CSMD3: variants seen among roughly 807,000 people sequenced by gnomAD.
The protein encoded by CSMD3 is CUB and sushi domain-containing protein 3.
In CSMD3, 177 loss-of-function variants were observed where a neutral mutation model predicts 435.2. The observed-to-expected ratio is 0.41, with a 90% CI of 0.36 to 0.46. CSMD3 has a LOEUF of 0.46. Ranked by LOEUF, CSMD3 falls within the 20% of genes least tolerant of loss-of-function variation. The pLI is 0.34. For synonymous variants in CSMD3, 1,656 were observed against 1,520.5 expected (o/e 1.09, Z -2.07); for missense variants, 4,265 against 4,504.6 (o/e 0.95, Z 1.52).
chr8:113,218,065 G>A (rs1236182189), intron 3 of CSMD3, among the ~76,000 whole-genome samples: 1 of 150,402 alleles, frequency 6.6e-6, no homozygotes, highest in Non-Finnish European at 1.5e-5. Flanking sequence ...GAGTTCACAG[G>A]ATGCCTTCCT....
chr8:112,338,921 G>A (rs764333290), intron 42 of CSMD3, among the ~76,000 whole-genome samples: 1 of 152,006 alleles, frequency 6.6e-6, no homozygotes, highest in Non-Finnish European at 1.5e-5. Flanking sequence ...AATAAGTATA[G>A]AAAATAGATT....
chr8:113,434,541 A>T (rs1033939843), intron 1 of CSMD3, among the ~76,000 whole-genome samples: 21 of 152,308 alleles, frequency 1.4e-4, no homozygotes, highest in African/African-American at 4.6e-4. Flanking sequence ...GAATTTGGGG[A>T]CAGTATTCCA....
intron 6 of CSMD3, among the ~76,000 whole-genome samples, chr8:113,009,203 G>A (rs1009052261): frequency 5.9e-5 from 9 of 151,618 alleles, no homozygotes; most frequent in Non-Finnish European, 1.0e-4. Flanking sequence ...AGCTCTCCAC[G>A]GGAATGATAA....
chr8:113,041,215 A>G (rs1159585675), intron 5 of CSMD3, among the ~76,000 whole-genome samples: 1 of 49,152 alleles, frequency 2.0e-5, no homozygotes, highest in South Asian at 7.7e-4. Context: ...TAAAAAAAAA[A>G]AAGGGGGGGG....
intron 3 of CSMD3, among the ~76,000 whole-genome samples, chr8:113,186,795 A>G (rs1317886968): frequency 6.6e-6 from 1 of 152,000 alleles, no homozygotes; most frequent in African/African-American, 2.4e-5. Flanking sequence ...AAGGCAGGAA[A>G]TGCCCCTCAG....
intron 32 of CSMD3, among the ~76,000 whole-genome samples, chr8:112,458,206 C>A (rs1007343587): frequency 5.5e-5 from 8 of 145,526 alleles, no homozygotes; most frequent in African/African-American, 2.0e-4. Flanking sequence ...CACACACACA[C>A]ACTCACACCC....
At chr8:112,579,705 C>A (rs1830204458) in intron 23 of CSMD3, among the ~76,000 whole-genome samples, 1 of 151,924 alleles carries the variant, frequency 6.6e-6, no homozygotes, top group Admixed American at 6.6e-5. Context: ...AAGACTCACA[C>A]ATAGATAGGA....
At chr8:112,229,775 A>G (rs895354439) in intron 69 of CSMD3, among the ~76,000 whole-genome samples, 1 of 152,158 alleles carries the variant, frequency 6.6e-6, no homozygotes, top group Non-Finnish European at 1.5e-5. Flanking sequence ...GTGTTTAGAA[A>G]TAAAAGACCC....
chr8:112,290,911 T>C (rs948851489), intron 56 of CSMD3, among the ~76,000 whole-genome samples: 1 of 152,048 alleles, frequency 6.6e-6, no homozygotes, highest in African/African-American at 2.4e-5. Context: ...ATTATTTTTC[T>C]CACTACGTGT....
At chr8:113,128,426 TG>T (rs982433339) in intron 4 of CSMD3, among the ~76,000 whole-genome samples, 2 of 151,960 alleles carry the variant, frequency 1.3e-5, no homozygotes, top group African/African-American at 4.8e-5. Context: ...TATACCAGAT[TG>T]TATACTGAAA....
chr8:113,148,443 G>A (rs1411470401), intron 4 of CSMD3, among the ~76,000 whole-genome samples: 1 of 151,686 alleles, frequency 6.6e-6, no homozygotes, highest in Admixed American at 6.6e-5. Flanking sequence ...TATGATAAAT[G>A]TAACTGTATC....
chr8:113,322,849 G>A (rs970127202), intron 1 of CSMD3, among the ~76,000 whole-genome samples: 4 of 152,054 alleles, frequency 2.6e-5, no homozygotes, highest in Admixed American at 1.3e-4. Flanking sequence ...GGGTTCAAGC[G>A]ATTGTCGTGT....
At chr8:112,277,087 AC>A (rs1185997453) in intron 59 of CSMD3, among the ~76,000 whole-genome samples, 4 of 152,144 alleles carry the variant, frequency 2.6e-5, no homozygotes, top group Non-Finnish European at 5.9e-5. Flanking sequence ...GCTCCTCATT[AC>A]TTTCACAAAT....
At chr8:112,535,184 G>A (rs937428300) in intron 27 of CSMD3, among the ~76,000 whole-genome samples, 1 of 151,576 alleles carries the variant, frequency 6.6e-6, no homozygotes, top group Non-Finnish European at 1.5e-5. Flanking sequence ...AATTAGGCAG[G>A]AGAAGGAAAT....
At chr8:112,958,203 A>C (rs1043203909) in intron 7 of CSMD3, among the ~76,000 whole-genome samples, 1 of 152,202 alleles carries the variant, frequency 6.6e-6, no homozygotes, top group Non-Finnish European at 1.5e-5. Flanking sequence ...ATACAGAAAA[A>C]CTATGTATGC....
intron 37 of CSMD3, among the ~76,000 whole-genome samples, chr8:112,381,901 C>T (rs1158646239): frequency 6.6e-6 from 1 of 152,138 alleles, no homozygotes; most frequent in Non-Finnish European, 1.5e-5. Flanking sequence ...TGGCAAATGT[C>T]ACACAGAGCT....
intron 3 of CSMD3, among the ~76,000 whole-genome samples, chr8:113,269,889 G>C (rs973941136): frequency 3.3e-5 from 5 of 151,766 alleles, no homozygotes; most frequent in South Asian, 2.1e-4. Flanking sequence ...ATACCATTCA[G>C]GACATAGGCA....
chr8:112,598,256 C>T (rs1831949239), intron 22 of CSMD3, among the ~76,000 whole-genome samples: 1 of 139,106 alleles, frequency 7.2e-6, no homozygotes, highest in Admixed American at 7.3e-5. Flanking sequence ...CATGAGTGAA[C>T]TCCCATTCAC....
intron 1 of CSMD3, among the ~76,000 whole-genome samples, chr8:113,410,203 G>A (rs925238622): frequency 1.3e-5 from 2 of 152,046 alleles, no homozygotes; most frequent in Non-Finnish European, 2.9e-5. Flanking sequence ...ATGTATTTAA[G>A]ATATATTCTA....
Sources: allele counts gnomAD v4.1 joint callset (sites outside exome capture counted in the v4.1 genomes callset), GRCh38; gene constraint gnomAD v4.1.1; transcripts MANE v1.5; gene names NCBI Gene and HGNC (gene_info 2026-07-23, HGNC 2026-07-21).